MAN2A1: variants seen among roughly 807,000 people sequenced by gnomAD.
The protein encoded by MAN2A1 is alpha-mannosidase 2.
MAN2A1 carries 76 observed loss-of-function variants against 142.6 expected under a neutral mutation model. The ratio of observed to expected loss-of-function variants is 0.53; its 90% CI spans 0.44 to 0.65. MAN2A1 has a LOEUF of 0.65. Ranked by LOEUF, MAN2A1 falls within the 30% of genes least tolerant of loss-of-function variation. The pLI is 0.00. For missense variants in MAN2A1, 1,311 were observed against 1,365.1 expected, an observed-to-expected ratio of 0.96 and a Z score of 0.62; for synonymous variants, 559 against 473.2, an observed-to-expected ratio of 1.18 and a Z score of -2.35.
intron 1 of MAN2A1, among the ~76,000 whole-genome samples, chr5:109,700,189 C>G (rs1431412815): frequency 6.6e-6 from 1 of 151,542 alleles, no homozygotes; most frequent in African/African-American, 2.4e-5. Flanking sequence ...TCTCTTGAAT[C>G]TCATTATTTA....
At chr5:109,768,159 A>G (rs763064635) in intron 6 of MAN2A1, among the ~76,000 whole-genome samples, 4 of 152,128 alleles carry the variant, frequency 2.6e-5, no homozygotes, top group African/African-American at 7.2e-5. Context: ...CCTAATGTCA[A>G]AATACCACCT....
intron 12 of MAN2A1, among the ~76,000 whole-genome samples, chr5:109,804,513 T>C (rs17162272): frequency 0.098 from 14,865 of 152,132 alleles, 965 homozygotes; most frequent in African/African-American, 0.2. Context: ...TGTTCTTTTA[T>C]CCCTTGTGAC....
chr5:109,776,529 G>C (rs758281909), intron 8 of MAN2A1, among the ~76,000 whole-genome samples: 6 of 152,036 alleles, frequency 3.9e-5, no homozygotes, highest in African/African-American at 7.2e-5. Flanking sequence ...TCTCCTGTCT[G>C]ACTGAAAAAA....
At chr5:109,805,448 G>A (rs1424750274) in intron 12 of MAN2A1, among the ~76,000 whole-genome samples, 1 of 152,070 alleles carries the variant, frequency 6.6e-6, no homozygotes, top group Non-Finnish European at 1.5e-5. Context: ...TACTTTTGAG[G>A]GTTAACATTT....
chr5:109,847,601 A>G (rs1755374078), intron 18 of MAN2A1, 56 bp from the exon 19 acceptor site: 2 of 1,380,778 alleles, frequency 1.4e-6, no homozygotes, highest in Admixed American at 3.1e-5. Context: ...TGCTCAATGA[A>G]TGTCAGTATT....
chr5:109,743,493 C>T (rs752827336), intron 4 of MAN2A1, among the ~76,000 whole-genome samples: 51 of 152,114 alleles, frequency 3.4e-4, no homozygotes, highest in Non-Finnish European at 5.7e-4. Flanking sequence ...CTAAGGTCAC[C>T]CAGCTAGTAA....
At chr5:109,721,438 TTG>T (rs927434442) in intron 3 of MAN2A1, among the ~76,000 whole-genome samples, 1 of 151,940 alleles carries the variant, frequency 6.6e-6, no homozygotes, top group African/African-American at 2.4e-5. Context: ...AATGAATAGT[TTG>T]TGTGTGTGTG....
In MAN2A1 at chr5:109,772,986, C is replaced by T. The variant is rs565710072; in HGVS notation, c.1197-1802C>T. 5.9e-5 allele frequency among the ~76,000 whole-genome samples: 9 copies of T among 152,214 alleles called. 1 individual carries two copies. The South Asian group carries it at 1.9e-3, about 32-fold the overall frequency. ...ATTTTAAGTTGGCTTTTTCTATTGA[C>T]CGTCACGTGATTTGATGTTTCGGGG... On this transcript the variant is annotated intron_variant, in intron 7 of 21. Transcript: ENST00000261483.
At chr5:109,697,108 T>C (rs923956417) in intron 1 of MAN2A1, among the ~76,000 whole-genome samples, 3 of 152,214 alleles carry the variant, frequency 2.0e-5, no homozygotes, top group African/African-American at 4.8e-5. Flanking sequence ...TTGGCACTTA[T>C]CCAGATTTAT....
chr5:109,804,285 A>G (rs1754106628), intron 12 of MAN2A1: 4 of 987,242 alleles, frequency 4.1e-6, no homozygotes, highest in Non-Finnish European at 4.8e-6. Context: ...GTGGTAAAAG[A>G]AACATTTTAA....
Position 109,840,139 on chromosome 5 carries a change from T to C in MAN2A1, c.2567-2189T>C, listed in dbSNP as rs573193081. The C allele has an allele frequency of 5.8e-4, 109 of 187,254 alleles. No homozygotes were observed. The South Asian group carries it at 0.012, about 21-fold the overall frequency. The allele number at this position is 187,254 out of a possible 1,614,324, so 11.6% of individuals were successfully genotyped here. A position where few individuals can be genotyped will look rare whatever the true frequency, so the allele number is the denominator to read the frequency against. The stretch of plus-strand genomic sequence containing the variant: ...AGTAGCCAGAAATCATTTGTTCCAG[T>C]TTCTTCTCAAGGTGCTGAATTAAGT... On this transcript the variant is annotated intron_variant, in intron 16 of 21. Coordinates refer to ENST00000261483, the MANE Select transcript of MAN2A1 (RefSeq NM_002372.4).
At chr5:109,822,251 C>T (rs1292787397) in intron 15 of MAN2A1, among the ~76,000 whole-genome samples, 1 of 150,764 alleles carries the variant, frequency 6.6e-6, no homozygotes, top group African/African-American at 2.4e-5. Flanking sequence ...GGCAGTGAGT[C>T]CCAAATATGA....
At chr5:109,786,316 TCAGAC>T (rs1753594457) in intron 10 of MAN2A1, among the ~76,000 whole-genome samples, 1 of 152,010 alleles carries the variant, frequency 6.6e-6, no homozygotes, top group Non-Finnish European at 1.5e-5. Flanking sequence ...CTGCTTAGAA[TCAGAC>T]CAGGGTAGAG....
intron 12 of MAN2A1, among the ~76,000 whole-genome samples, chr5:109,808,403 T>C (rs1385680429): frequency 3.3e-5 from 5 of 152,138 alleles, no homozygotes; most frequent in Admixed American, 2.0e-4. Context: ...TTTAGAATTT[T>C]ATATATTTTT....
chr5:109,692,365 T>G (rs1417399929), intron 1 of MAN2A1, among the ~76,000 whole-genome samples: 1 of 152,192 alleles, frequency 6.6e-6, no homozygotes, highest in Non-Finnish European at 1.5e-5. Flanking sequence ...ATTGCCTTTC[T>G]CAGATTTTCT....
At chr5:109,777,089 G>T (rs560470816) in intron 8 of MAN2A1, among the ~76,000 whole-genome samples, 2 of 152,200 alleles carry the variant, frequency 1.3e-5, no homozygotes, top group African/African-American at 4.8e-5. Context: ...TACTTGTTAT[G>T]AGTTTACATG....
intron 10 of MAN2A1, among the ~76,000 whole-genome samples, chr5:109,786,326 G>T (rs1315259977): frequency 1.3e-5 from 2 of 151,944 alleles, no homozygotes; most frequent in East Asian, 1.9e-4. Flanking sequence ...TCAGACCAGG[G>T]TAGAGCTCCT....
intron 12 of MAN2A1, among the ~76,000 whole-genome samples, chr5:109,815,589 C>T (rs1646756863): frequency 6.6e-6 from 1 of 152,178 alleles, no homozygotes; most frequent in Non-Finnish European, 1.5e-5. Context: ...AACATAAATG[C>T]TTCTGATGAA....
chr5:109,690,619 G>A, intron 1 of MAN2A1, 67 bp downstream of exon 1: 1 of 1,515,854 alleles, frequency 6.6e-7, no homozygotes, highest in Non-Finnish European at 8.9e-7. Flanking sequence ...GTTAGCGGCT[G>A]CTACCCAACC....
Sources: gnomAD v4.1 joint callset for allele counts (sites outside exome capture counted in the v4.1 genomes callset) on GRCh38, gnomAD v4.1.1 for gene constraint, MANE v1.5 for transcripts, NCBI Gene and HGNC (gene_info 2026-07-23, HGNC 2026-07-21) for gene names.